Variants in ATP8B4 observed in about 807,000 individuals in gnomAD.
ATP8B4 encodes ATPase phospholipid transporting 8B4 (putative).
ATP8B4 carries 133 observed loss-of-function variants against 145.6 expected under a neutral mutation model. That is an observed-to-expected ratio of 0.91 (90% CI 0.79 to 1.05). The LOEUF (loss-of-function observed/expected upper bound fraction) is 1.05. Among genes scored for constraint, ATP8B4 ranks in the 50% least tolerant of loss-of-function variants. The probability of loss-of-function intolerance (pLI) is 0.00; values close to 1 mark genes in which losing one functional copy is unlikely to be tolerated. For missense variants in ATP8B4, 1,458 were observed against 1,425.2 expected (o/e 1.02, Z -0.37); for synonymous variants, 507 against 492.9 (o/e 1.03, Z -0.38).
At chr15:49,962,727 GT>G (rs958995500) in intron 13 of ATP8B4, among the ~76,000 whole-genome samples, 1 of 151,856 alleles carries the variant, frequency 6.6e-6, no homozygotes, top group African/African-American at 2.4e-5. Context: ...TAATCTTCTT[GT>G]TTTTACAGTT....
intron 23 of ATP8B4, among the ~76,000 whole-genome samples, chr15:49,884,677 T>C (rs930470716): frequency 4.0e-5 from 6 of 151,872 alleles, no homozygotes; most frequent in Non-Finnish European, 8.8e-5. Flanking sequence ...TTAATGTAAT[T>C]GAGAGCATAC....
At chr15:50,142,009 C>T (rs8036098) in intron 1 of ATP8B4, among the ~76,000 whole-genome samples, 38,878 of 152,030 alleles carry the variant, frequency 0.26, 5,776 homozygotes, top group Non-Finnish European at 0.33. Flanking sequence ...AAGACGAATA[C>T]GAGTTTTTCC....
intron 3 of ATP8B4, among the ~76,000 whole-genome samples, chr15:50,073,859 C>G (rs562753041): frequency 6.6e-6 from 1 of 152,174 alleles, no homozygotes; most frequent in East Asian, 1.9e-4. Context: ...AAATGGGTAC[C>G]AAAATGAGCT....
chr15:50,076,448 C>T (rs2054178046), intron 2 of ATP8B4, among the ~76,000 whole-genome samples: 1 of 151,746 alleles, frequency 6.6e-6, no homozygotes, highest in African/African-American at 2.4e-5. Flanking sequence ...GCCAAGATTA[C>T]ACCACTGCAC....
intron 8 of ATP8B4, among the ~76,000 whole-genome samples, chr15:49,999,484 T>C (rs969492541): frequency 6.6e-6 from 1 of 151,740 alleles, no homozygotes; most frequent in Non-Finnish European, 1.5e-5. Flanking sequence ...TGTATACATA[T>C]GTAACTAACC....
chr15:50,099,586 T>C (rs941837575), intron 2 of ATP8B4, among the ~76,000 whole-genome samples: 1 of 152,242 alleles, frequency 6.6e-6, no homozygotes, highest in African/African-American at 2.4e-5. Context: ...CTGTCACTTG[T>C]ACACTTCAAA....
At chr15:50,178,443 C>T (rs764038812) in intron 1 of ATP8B4, among the ~76,000 whole-genome samples, 7 of 152,112 alleles carry the variant, frequency 4.6e-5, no homozygotes, top group African/African-American at 9.7e-5. Flanking sequence ...GGTATAAAAA[C>T]CCAGACAAAA....
intron 9 of ATP8B4, among the ~76,000 whole-genome samples, chr15:49,990,571 G>C (rs529416829): frequency 6.6e-6 from 1 of 152,088 alleles, no homozygotes; most frequent in African/African-American, 2.4e-5. Context: ...AAATCTACAG[G>C]ATCTCATTCT....
chr15:50,065,990 A>C (rs28687460), intron 3 of ATP8B4, among the ~76,000 whole-genome samples: 108 of 148,398 alleles, frequency 7.3e-4, no homozygotes, highest in African/African-American at 2.6e-3. Flanking sequence ...TAGGAATAGA[A>C]ATTCAGAGGC....
chr15:50,000,836 A>C (rs1459670710), intron 8 of ATP8B4, among the ~76,000 whole-genome samples: 1 of 152,154 alleles, frequency 6.6e-6, no homozygotes, highest in Non-Finnish European at 1.5e-5. Flanking sequence ...TTTATACTTT[A>C]CATTTGAAAT....
intron 21 of ATP8B4, among the ~76,000 whole-genome samples, chr15:49,900,101 T>C (rs1468316387): frequency 6.6e-6 from 1 of 152,174 alleles, no homozygotes; most frequent in African/African-American, 2.4e-5. Context: ...ACAGTCGTAA[T>C]TTTCAGTTAC....
At chr15:50,126,240 C>CAAAAAAAAAA (rs3076891) in intron 1 of ATP8B4, among the ~76,000 whole-genome samples, 1 of 91,428 alleles carries the variant, frequency 1.1e-5, no homozygotes, top group Non-Finnish European at 2.4e-5. Flanking sequence ...GCTAACAGTC[C>CAAAAAAAAAA]AAAAAAAAAA....
At chr15:50,133,734 A>G (rs992123029) in intron 1 of ATP8B4, among the ~76,000 whole-genome samples, 4 of 152,228 alleles carry the variant, frequency 2.6e-5, no homozygotes, top group Non-Finnish European at 4.4e-5. Context: ...TCATAAGATG[A>G]ATATGTTTTG....
intron 25 of ATP8B4, among the ~76,000 whole-genome samples, chr15:49,867,408 AT>A (rs1469893899): frequency 1.3e-5 from 2 of 152,234 alleles, no homozygotes; most frequent in Admixed American, 1.3e-4. Flanking sequence ...CCCCATTAAA[AT>A]GATGCTGGCA....
intron 1 of ATP8B4, among the ~76,000 whole-genome samples, chr15:50,159,113 A>G (rs1171603148): frequency 3.9e-5 from 6 of 152,066 alleles, no homozygotes; most frequent in African/African-American, 1.4e-4. Flanking sequence ...AAAAAAAAAC[A>G]TATTTATTCT....
At chr15:50,152,723 A>T (rs2153680952) in intron 1 of ATP8B4, among the ~76,000 whole-genome samples, 1 of 152,358 alleles carries the variant, frequency 6.6e-6, no homozygotes, top group Non-Finnish European at 1.5e-5. Context: ...TGTTCATTTA[A>T]CCAGAGCGAT....
chr15:50,173,153 T>C (rs1188506605), intron 1 of ATP8B4, among the ~76,000 whole-genome samples: 4 of 151,698 alleles, frequency 2.6e-5, no homozygotes, highest in Non-Finnish European at 5.9e-5. Context: ...GTCTGGGAAG[T>C]GAGGAGCCCC....
chr15:49,883,662 A>G (rs1453254976), intron 23 of ATP8B4: 1 of 152,232 alleles, frequency 6.6e-6, no homozygotes, highest in Non-Finnish European at 1.5e-5. Context: ...AGATTGCTCA[A>G]TGTCATACCT....
chr15:50,011,724 T>C (rs2048734878), intron 6 of ATP8B4, among the ~76,000 whole-genome samples: 1 of 152,158 alleles, frequency 6.6e-6, no homozygotes, highest in Admixed American at 6.5e-5. Context: ...TATACCATGA[T>C]GCTAATCATT....
Sources: allele counts gnomAD v4.1 joint callset (sites outside exome capture counted in the v4.1 genomes callset), GRCh38; gene constraint gnomAD v4.1.1; transcripts MANE v1.5; gene names NCBI Gene and HGNC (gene_info 2026-07-23, HGNC 2026-07-21).